RARA: variants seen among roughly 807,000 people sequenced by gnomAD.
RARA encodes PML-DDX5-RARA fusion.
Under a neutral mutation model 42.8 loss-of-function variants are expected in RARA, and 5 were observed. That is an observed-to-expected ratio of 0.12 (90% CI 0.06 to 0.25). The LOEUF (loss-of-function observed/expected upper bound fraction) is 0.25. Among genes scored for constraint, RARA ranks in the 10% least tolerant of loss-of-function variants. The probability of loss-of-function intolerance (pLI) is 1.00; values close to 1 mark genes in which losing one functional copy is unlikely to be tolerated. For missense variants in RARA, 402 were observed against 628.7 expected, an observed-to-expected ratio of 0.64 and a Z score of 3.86; for synonymous variants, 256 against 259.5, an observed-to-expected ratio of 0.99 and a Z score of 0.13.
intron 1 of RARA, chr17:40,318,217 A>G (rs560968441): frequency 3.3e-5 from 5 of 152,224 alleles, no homozygotes; most frequent in African/African-American, 1.2e-4. Context: ...GCCTCCCCCT[A>G]CCTCTGCTCC....
Position 40,356,252 on chromosome 17 carries a change from C to T in RARA, c.*26C>T. ...CCGCCCACGCCACATGGACACAGCC[C>T]TCGCCCTCCGCCCCGGCTTTTCTCT... On this transcript the variant is annotated 3_prime_UTR_variant, in exon 9 of 9. Coordinates refer to ENST00000254066, the MANE Select transcript of RARA (RefSeq NM_000964.4). 2 of 1,544,708 alleles carry T rather than the reference C, an allele frequency of 1.3e-6. No individual in the cohort carries two copies. Among genetic ancestry groups the T allele is most frequent in the South Asian group, 1.2e-5 (1 of 83,956 alleles).
intron 1 of RARA, among the ~76,000 whole-genome samples, chr17:40,315,163 T>TATATAC (rs2033181113): frequency 8.1e-6 from 1 of 124,110 alleles, no homozygotes; most frequent in Non-Finnish European, 1.6e-5. Flanking sequence ...TATATATATA[T>TATATAC]ATATATATAC....
rs1187954197 is a variant in RARA at position 40,345,391 on chromosome 17, G to C, written c.179-2925G>C. The C allele has an allele frequency of 1.3e-5, 2 of 152,506 alleles. No individual in the cohort carries two copies. Among genetic ancestry groups the C allele is most frequent in the East Asian group, 1.9e-4 (1 of 5,212 alleles). The allele number at this position is 152,506 out of a possible 1,614,324, so 9.4% of individuals were successfully genotyped here. On this transcript the variant is annotated intron_variant, in intron 2 of 8. Transcript: ENST00000254066. This position sits in a 1 kb window ranked among gnomAD's most constrained non-coding sequence, Gnocchi z 4.8. ...GGGAGCTGCGGAGGAGCGGGCGCCA[G>C]CTGGATTGGGAGGGGAGCCGCTGGC...
chr17:40,328,301 C>G (rs1014917688), intron 1 of RARA, among the ~76,000 whole-genome samples: 10 of 152,132 alleles, frequency 6.6e-5, no homozygotes, highest in African/African-American at 2.4e-4. Context: ...AGCTTGGAAC[C>G]TAGTGTAGCC....
At position 40,357,523 on chromosome 17, in the gene RARA, C is replaced by G. The variant is rs1156983890; in HGVS notation, c.*1297C>G. The G allele has an allele frequency of 4.3e-6, 1 of 231,654 alleles. No individual in the cohort carries two copies. The highest frequency in any genetic ancestry group is 8.5e-6 in the Non-Finnish European group (1 of 117,190). 14.3% of individuals were successfully genotyped at this position (231,654 alleles called of 1,614,324 possible). A position where few individuals can be genotyped will look rare whatever the true frequency, so the allele number is the denominator to read the frequency against. On this transcript the variant is annotated 3_prime_UTR_variant, in exon 9 of 9. Coordinates refer to ENST00000254066, the MANE Select transcript of RARA (RefSeq NM_000964.4). Reference sequence around the variant, plus strand: ...GCACCCCCAGCTGGGGGAGCTGGCTCTGCCCCGACCTCCTTCACCAGGGGT... The same window carrying G: ...GCACCCCCAGCTGGGGGAGCTGGCTGTGCCCCGACCTCCTTCACCAGGGGT...
At chr17:40,319,059 G>A (rs2033294343) in intron 1 of RARA, among the ~76,000 whole-genome samples, 1 of 152,194 alleles carries the variant, frequency 6.6e-6, no homozygotes, top group Non-Finnish European at 1.5e-5. Flanking sequence ...TGGGGTGAGG[G>A]GAAGACGGAA....
chr17:40,342,834 C>T (rs779528914), intron 2 of RARA: 2 of 1,613,114 alleles, frequency 1.2e-6, no homozygotes, highest in Non-Finnish European at 8.5e-7. Context: ...CTCCACCCCG[C>T]TCCGGACTCC....
intron 1 of RARA, among the ~76,000 whole-genome samples, chr17:40,317,064 C>CG (rs1173468049): frequency 6.6e-6 from 1 of 152,236 alleles, no homozygotes; most frequent in Non-Finnish European, 1.5e-5. Context: ...GCAACCGGTG[C>CG]GACTGTGCAC....
chr17:40,340,886 C>T, intron 2 of RARA: 1 of 400,174 alleles, frequency 2.5e-6, no homozygotes, highest in Non-Finnish European at 4.4e-6. Context: ...CTGCTCTACT[C>T]TTTATTATTA....
chr17:40,320,458 T>C lies in RARA; in HGVS notation c.-362-10399T>C, dbSNP rs1388350465. On this transcript the variant is annotated intron_variant, in intron 1 of 8. Coordinates refer to ENST00000254066, the MANE Select transcript of RARA (RefSeq NM_000964.4). This position sits in a 1 kb window ranked among gnomAD's most constrained non-coding sequence, Gnocchi z 4.1. ...CATCTAAGTATGGGGGAGAGGACAT[T>C]GTCTGAGTGGCCCCTCAGGTCTGTT... Among the ~76,000 whole-genome samples the C allele has an allele frequency of 6.6e-6, 1 of 151,850 alleles. No individual in the cohort carries two copies. Among genetic ancestry groups the C allele is most frequent in the African/African-American group, 2.4e-5 (1 of 41,370 alleles).
intron 2 of RARA, among the ~76,000 whole-genome samples, chr17:40,344,971 C>T (rs190866104): frequency 2.4e-4 from 36 of 152,340 alleles, no homozygotes; most frequent in Admixed American, 1.8e-3. Flanking sequence ...ATTCTCCACT[C>T]TCCCCTTTAC....
chr17:40,338,247 G>A (rs940210266), intron 2 of RARA, among the ~76,000 whole-genome samples: 4 of 152,352 alleles, frequency 2.6e-5, no homozygotes, highest in South Asian at 2.1e-4. Flanking sequence ...GTGTCTGTGG[G>A]AAGAGGAAGT....
rs2034336612 is a variant in RARA at position 40,348,376 on chromosome 17, C to T, written c.239C>T (p.Pro80Leu). 1.2e-6 allele frequency: 2 copies of T among 1,613,442 alleles called. No homozygotes were observed. The highest frequency in any genetic ancestry group is 1.3e-5 in the African/African-American group (1 of 74,896). The part of the protein sequence containing the change: ...EIVPSPPSPP[P>L]LPRIYKPCFV... ...GTGCCCAGCCCTCCCTCGCCACCCCCTCTACCCCGCATCTACAAGCCTTGC... is the reference window on the plus strand; with the variant it reads ...GTGCCCAGCCCTCCCTCGCCACCCCTTCTACCCCGCATCTACAAGCCTTGC... The change falls in exon 3 of 9, where the codon CCT (proline) becomes CTT (leucine). Residue 80 changes from proline to leucine, a missense_variant. Physicochemically the swap from Pro to Leu is moderately conservative, Grantham distance 98 (BLOSUM62 -3). Coordinates refer to ENST00000254066, the MANE Select transcript of RARA (RefSeq NM_000964.4).
intron 2 of RARA, chr17:40,342,100 G>A (rs1352821659): frequency 1.9e-6 from 2 of 1,052,966 alleles, no homozygotes; most frequent in African/African-American, 1.7e-5. Flanking sequence ...ACGGGGCGGG[G>A]CGGTGGAAAG....
intron 2 of RARA, among the ~76,000 whole-genome samples, chr17:40,333,957 G>C (rs1332849833): frequency 6.6e-6 from 1 of 152,222 alleles, no homozygotes; most frequent in Non-Finnish European, 1.5e-5. Flanking sequence ...TTTTTGACGG[G>C]GGAGGAGTTA....
intron 1 of RARA, among the ~76,000 whole-genome samples, chr17:40,313,375 A>T (rs2033132299): frequency 6.6e-6 from 1 of 152,084 alleles, no homozygotes; most frequent in Non-Finnish European, 1.5e-5. Context: ...GAGGCAGGGA[A>T]AGTTGGGGCA....
chr17:40,318,910 G>A (rs78281655), intron 1 of RARA, among the ~76,000 whole-genome samples: 2 of 152,202 alleles, frequency 1.3e-5, no homozygotes, highest in African/African-American at 4.8e-5. Context: ...ACCAGAGGGA[G>A]CCGGCCGGGG....
chr17:40,343,291 GC>G (rs2034141335), intron 2 of RARA, among the ~76,000 whole-genome samples: 1 of 152,188 alleles, frequency 6.6e-6, no homozygotes, highest in Non-Finnish European at 1.5e-5. Context: ...GATCCCACTT[GC>G]CAAAGCCCGA....
intron 1 of RARA, among the ~76,000 whole-genome samples, chr17:40,322,168 G>C (rs557767730): frequency 9.2e-5 from 14 of 152,160 alleles, no homozygotes; most frequent in East Asian, 5.8e-4. Flanking sequence ...AGAAGGGGAG[G>C]GGGGTGGAGG....
Sources: gnomAD v4.1 joint callset for allele counts (sites outside exome capture counted in the v4.1 genomes callset) on GRCh38, gnomAD v4.1.1 for gene constraint, Gnocchi (gnomAD v3.1) non-coding constraint, MANE v1.5 for transcripts, NCBI Gene and HGNC (gene_info 2026-07-23, HGNC 2026-07-21) for gene names.